The following FANCM variants were observed in gnomAD, a reference collection of about 807,000 sequenced individuals.
FANCM encodes Fanconi anemia group M protein.
A neutral mutation model predicts 199.5 loss-of-function variants in FANCM; 140 were observed. The observed-to-expected ratio is 0.70, with a 90% CI of 0.61 to 0.81. The LOEUF is 0.81. FANCM is among the 30% of genes least tolerant of loss of function. FANCM has a pLI of 0.00. For missense variants in FANCM, 2,410 were observed against 2,421.4 expected, an observed-to-expected ratio of 1.00 and a Z score of 0.10; for synonymous variants, 840 against 836.8, an observed-to-expected ratio of 1.00 and a Z score of -0.07.
chr14:45,166,864 T>C (rs112174801), intron 10 of FANCM, 86 bp from the exon 11 acceptor site: 3 of 811,986 alleles, frequency 3.7e-6, no homozygotes, highest in South Asian at 3.0e-5. Flanking sequence ...ATGTTTACAA[T>C]AAATCCAAAC....
chr14:45,161,391 C>G (rs748653128), intron 9 of FANCM, among the ~76,000 whole-genome samples: 5 of 152,062 alleles, frequency 3.3e-5, no homozygotes, highest in Non-Finnish European at 5.9e-5. Context: ...CCCTATATGT[C>G]ATTTCCATTT....
intron 13 of FANCM, among the ~76,000 whole-genome samples, chr14:45,174,580 G>C (rs913741759): frequency 2.1e-4 from 32 of 152,128 alleles, no homozygotes; most frequent in Admixed American, 1.2e-3. Context: ...GTTACAAATA[G>C]AAGTATATTC....
rs763155294 is a variant in FANCM at position 45,173,132 on chromosome 14, A to G, written c.2238A>G (p.Thr746=). 4 of 1,612,222 alleles carry G rather than the reference A, an allele frequency of 2.5e-6. No homozygotes were observed. Among genetic ancestry groups the G allele is most frequent in the East Asian group, 4.5e-5 (2 of 44,830 alleles). The part of the protein sequence containing the change: ...WRLWQDHPLP[T]HQVDHSDRCR... ...TGTGGCAAGATCATCCTTTGCCTAC[A>G]CATCAAGTTGATCACTCAGATCGAT... is the stretch of plus-strand genomic sequence containing the variant. Residue 746 remains threonine (T), a synonymous_variant, in exon 13 of 23, where the codon ACA becomes ACG. Transcript: ENST00000267430.
chr14:45,155,299 A>T, intron 7 of FANCM, 74 bp from the exon 8 acceptor site: 1 of 666,862 alleles, frequency 1.5e-6, no homozygotes, highest in South Asian at 1.7e-5. Context: ...GGAAAAGATA[A>T]CTTTCATATA....
At position 45,196,162 on chromosome 14, in the gene FANCM, A is replaced by G. The variant is rs900420318; in HGVS notation, c.5341-10A>G. ...AACCTGAATGTGACCAGTGTTTTCC[A>G]CTTTTTCAGGATGGTAGTGCTTTGG... On this transcript the variant is annotated splice_polypyrimidine_tract_variant and intron_variant, in intron 20 of 22. Transcript: ENST00000267430. 3.1e-6 allele frequency: 5 copies of G among 1,614,108 alleles called. No individual in the cohort carries two copies. Among genetic ancestry groups the G allele is most frequent in the Non-Finnish European group, 4.2e-6 (5 of 1,179,970 alleles).
rs1425871684 is a variant in FANCM at position 45,176,506 on chromosome 14, A to G, written c.3752A>G (p.Asp1251Gly). The G allele has an allele frequency of 6.2e-7, 1 of 1,606,158 alleles. No individual in the cohort carries two copies. ...SDDEILEHTS[D>G]SNRPLDDLYG... ...GATGAAATATTGGAACATACATCAG[A>G]TAGCAATAGACCTCTAGATGATCTA... The change falls in exon 14 of 23, where the codon GAT (aspartate) becomes GGT (glycine). Residue 1251 changes from aspartate (D) to glycine (G), a missense_variant. Transcript: ENST00000267430.
intron 5 of FANCM, among the ~76,000 whole-genome samples, chr14:45,152,460 C>T (rs983487629): frequency 2.2e-4 from 33 of 152,050 alleles, no homozygotes; most frequent in African/African-American, 7.0e-4. Flanking sequence ...CTCTCAATAC[C>T]AGAGTTTGAA....
intron 10 of FANCM, among the ~76,000 whole-genome samples, chr14:45,166,357 T>C (rs947679459): frequency 1.3e-5 from 2 of 152,058 alleles, no homozygotes; most frequent in Admixed American, 1.3e-4. Context: ...GAGGCTGATC[T>C]TGAACTCCGG....
chr14:45,164,701 T>G, intron 10 of FANCM, 136 bp downstream of exon 10: 1 of 701,982 alleles, frequency 1.4e-6, no homozygotes, highest in Non-Finnish European at 2.4e-6. Flanking sequence ...CACTTTGTAT[T>G]GGATTCTCTC....
intron 3 of FANCM, among the ~76,000 whole-genome samples, chr14:45,143,307 C>T (rs1886110749): frequency 1.3e-5 from 2 of 151,906 alleles, no homozygotes; most frequent in Admixed American, 6.6e-5. Flanking sequence ...GCTGGGACTA[C>T]AGGTGCCTGC....
chr14:45,188,166 C>A (rs907246698), intron 19 of FANCM, among the ~76,000 whole-genome samples: 1 of 152,106 alleles, frequency 6.6e-6, no homozygotes, highest in Non-Finnish European at 1.5e-5. Flanking sequence ...TGGTGAAACC[C>A]CATCTCTGCT....
At chr14:45,152,354 G>T (rs1281723903) in intron 5 of FANCM, among the ~76,000 whole-genome samples, 1 of 152,046 alleles carries the variant, frequency 6.6e-6, no homozygotes, top group East Asian at 1.9e-4. Context: ...TAACTTTTAA[G>T]AAGAATTTGT....
At chr14:45,145,398 T>A (rs1886290934) in intron 3 of FANCM, among the ~76,000 whole-genome samples, 1 of 152,098 alleles carries the variant, frequency 6.6e-6, no homozygotes, top group Non-Finnish European at 1.5e-5. Flanking sequence ...GGAACTTAAG[T>A]TCCAACCACT....
intron 11 of FANCM, among the ~76,000 whole-genome samples, chr14:45,168,662 G>T (rs1281089699): frequency 2.0e-5 from 3 of 149,102 alleles, no homozygotes; most frequent in Non-Finnish European, 3.0e-5. Flanking sequence ...CTATAATTCT[G>T]TACTAGTATA....
At chr14:45,172,597 C>A (rs1888410555) in intron 12 of FANCM, among the ~76,000 whole-genome samples, 1 of 151,870 alleles carries the variant, frequency 6.6e-6, no homozygotes, top group African/African-American at 2.4e-5. Flanking sequence ...TCCTTGTAAA[C>A]CAAAACAAAA....
At chr14:45,199,413 T>C (rs1040913714) in intron 22 of FANCM, among the ~76,000 whole-genome samples, 1 of 152,242 alleles carries the variant, frequency 6.6e-6, no homozygotes, top group Admixed American at 6.5e-5. Context: ...TTCTGGATAC[T>C]GGAAGTCTGA....
chr14:45,154,874 T>G, intron 7 of FANCM, 52 bp downstream of exon 7: 2 of 1,540,658 alleles, frequency 1.3e-6, no homozygotes, highest in Non-Finnish European at 1.8e-6. Flanking sequence ...TTAATCACAG[T>G]TAATTTTGAA....
At chr14:45,173,529 T>C (rs1888478184) in intron 13 of FANCM, among the ~76,000 whole-genome samples, 1 of 152,226 alleles carries the variant, frequency 6.6e-6, no homozygotes, top group African/African-American at 2.4e-5. Flanking sequence ...TCTAGGTTAT[T>C]TGATATCTTT....
intron 4 of FANCM, 39 bp from the exon 5 acceptor site, chr14:45,151,358 T>G: frequency 6.3e-7 from 1 of 1,598,620 alleles, no homozygotes; most frequent in African/African-American, 1.3e-5. Context: ...AAAAAGGACT[T>G]TAGAGCAAGC....
Sources: allele counts gnomAD v4.1 joint callset (sites outside exome capture counted in the v4.1 genomes callset), GRCh38; gene constraint gnomAD v4.1.1; transcripts MANE v1.5; gene names NCBI Gene and HGNC (gene_info 2026-07-23, HGNC 2026-07-21).